The following ADAMTSL3 variants were observed in gnomAD, a reference collection of about 807,000 sequenced individuals.
ADAMTSL3 encodes ADAMTS like 3.
A neutral mutation model predicts 201.7 loss-of-function variants in ADAMTSL3; 128 were observed. That is an observed-to-expected ratio of 0.63 (90% CI 0.55 to 0.73). ADAMTSL3 has a LOEUF of 0.73. Ranked by LOEUF, ADAMTSL3 falls within the 30% of genes least tolerant of loss-of-function variation. The pLI, the probability that ADAMTSL3 is intolerant of heterozygous loss-of-function variation, is 0.00. For synonymous variants in ADAMTSL3, 738 were observed against 748.4 expected (o/e 0.99, Z 0.23); for missense variants, 1,990 against 2,119.6 (o/e 0.94, Z 1.20).
At chr15:83,703,678 T>C (rs1453118771) in intron 2 of ADAMTSL3, among the ~76,000 whole-genome samples, 1 of 152,104 alleles carries the variant, frequency 6.6e-6, no homozygotes, top group Non-Finnish European at 1.5e-5. Context: ...CGTGGAACTC[T>C]AAGTCCAATT....
intron 6 of ADAMTSL3, among the ~76,000 whole-genome samples, chr15:83,832,759 G>GT (rs1274138178): frequency 6.6e-6 from 1 of 152,126 alleles, no homozygotes; most frequent in Non-Finnish European, 1.5e-5. Context: ...TGTCTGTATA[G>GT]TTTTCTCATT....
At chr15:83,754,866 G>A (rs541043084) in intron 3 of ADAMTSL3, among the ~76,000 whole-genome samples, 4 of 152,202 alleles carry the variant, frequency 2.6e-5, no homozygotes, top group Admixed American at 6.5e-5. Context: ...CACAAAAGGT[G>A]AGGAGATTGG....
At chr15:83,903,057 G>C (rs1266968638) in intron 15 of ADAMTSL3, among the ~76,000 whole-genome samples, 1 of 151,694 alleles carries the variant, frequency 6.6e-6, no homozygotes, top group Non-Finnish European at 1.5e-5. Context: ...TCATAATTAT[G>C]TATCTCAAAA....
Position 83,943,010 on chromosome 15 carries a change from C to T in ADAMTSL3, c.2418C>T (p.Pro806=). Residue 806 remains proline, a synonymous_variant, in exon 19 of 30, where the codon CCC becomes CCT. Coordinates refer to ENST00000286744, the MANE Select transcript of ADAMTSL3 (RefSeq NM_207517.3). ...LNLSDELCQG[P]KASSHKSCAR... ...TCTCAGATGAATTGTGCCAAGGACC[C>T]AAGGCATCGTCTCACAAGTCCTGTG... 6.2e-7 allele frequency: 1 copy of T among 1,614,104 alleles called. No individual in the cohort carries two copies. The highest frequency in any genetic ancestry group is 1.7e-4 in the Middle Eastern group (1 of 6,060).
chr15:83,729,628 G>A (rs2062234329), intron 3 of ADAMTSL3, among the ~76,000 whole-genome samples: 1 of 151,660 alleles, frequency 6.6e-6, no homozygotes, highest in Non-Finnish European at 1.5e-5. Flanking sequence ...CTCTTTGTTA[G>A]TTTTATCTGA....
intron 4 of ADAMTSL3, among the ~76,000 whole-genome samples, chr15:83,789,733 C>T (rs1453520234): frequency 6.6e-6 from 1 of 152,084 alleles, no homozygotes; most frequent in African/African-American, 2.4e-5. Context: ...TACTCTTGCC[C>T]TTAGTTGTAC....
Position 83,655,829 on chromosome 15 carries a change from A to C in ADAMTSL3, c.68A>C (p.Gln23Pro), listed in dbSNP as rs757391316. The C allele has an allele frequency of 5.6e-6, 9 of 1,613,674 alleles. No homozygotes were observed. Among genetic ancestry groups the C allele is most frequent in the Non-Finnish European group, 7.6e-6 (9 of 1,179,872 alleles). ...GTCTTCATGCACTCTCCCCTCCCGC[A>C]GGTAAGGTCATATAGGGAGGGGAAG... is the stretch of plus-strand genomic sequence containing the variant. ...GMVFMHSPLP[Q>P]TTAEKSPGAY... Residue 23 changes from glutamine to proline, a missense_variant and splice_region_variant, in exon 2 of 30, where the codon CAG becomes CCG. Transcript: ENST00000286744.
At chr15:84,007,993 C>T (rs1419465604) in intron 23 of ADAMTSL3, among the ~76,000 whole-genome samples, 1 of 152,196 alleles carries the variant, frequency 6.6e-6, no homozygotes, top group Non-Finnish European at 1.5e-5. Flanking sequence ...CATTTCTCTT[C>T]ATTCTCTCTT....
At chr15:83,760,079 C>T (rs1406650630) in intron 3 of ADAMTSL3, among the ~76,000 whole-genome samples, 1 of 151,848 alleles carries the variant, frequency 6.6e-6, no homozygotes, top group Non-Finnish European at 1.5e-5. Context: ...CCTTATTATT[C>T]TACTTTCTTT....
chr15:83,900,203 A>G (rs1163084657), intron 15 of ADAMTSL3, among the ~76,000 whole-genome samples: 2 of 152,214 alleles, frequency 1.3e-5, no homozygotes, highest in African/African-American at 4.8e-5. Context: ...CCTGCTAACT[A>G]CATGACCTAA....
At chr15:83,873,412 G>T (rs993753183) in intron 9 of ADAMTSL3, among the ~76,000 whole-genome samples, 10 of 145,082 alleles carry the variant, frequency 6.9e-5, no homozygotes, top group East Asian at 2.3e-4. Context: ...TATACCATTG[G>T]TTTTTTTTGT....
intron 20 of ADAMTSL3, among the ~76,000 whole-genome samples, chr15:83,976,474 T>C (rs2142143943): frequency 6.6e-6 from 1 of 152,204 alleles, no homozygotes; most frequent in Admixed American, 6.5e-5. Flanking sequence ...GTACTTTCTT[T>C]ATATTATTAT....
chr15:83,819,699 C>G (rs2063827793), intron 5 of ADAMTSL3, 112 bp from the exon 6 acceptor site: 7 of 811,302 alleles, frequency 8.6e-6, no homozygotes, highest in Non-Finnish European at 1.4e-5. Context: ...AGGTGACTCC[C>G]AGAGAGAGGC....
chr15:83,901,900 G>A (rs1045194027), intron 15 of ADAMTSL3, among the ~76,000 whole-genome samples: 1 of 152,116 alleles, frequency 6.6e-6, no homozygotes, highest in African/African-American at 2.4e-5. Flanking sequence ...AGAATGATGG[G>A]TCCTACCAAG....
chr15:83,802,144 A>T (rs2401131), intron 4 of ADAMTSL3, among the ~76,000 whole-genome samples: 117,395 of 152,048 alleles, frequency 0.77, 46,158 homozygotes, highest in East Asian at 1. Flanking sequence ...TTTAATCATA[A>T]GCCAGCCATG....
chr15:83,744,029 T>G (rs948960210), intron 3 of ADAMTSL3, among the ~76,000 whole-genome samples: 2 of 152,066 alleles, frequency 1.3e-5, no homozygotes, highest in Admixed American at 6.6e-5. Flanking sequence ...TTTTTGTATT[T>G]TTAGTAGAGA....
intron 8 of ADAMTSL3, among the ~76,000 whole-genome samples, chr15:83,860,635 G>A (rs1038041079): frequency 1.3e-5 from 2 of 152,178 alleles, no homozygotes; most frequent in African/African-American, 4.8e-5. Context: ...TTTATAAATT[G>A]TAAAAACAGA....
At chr15:83,777,596 G>A (rs1488267969) in intron 4 of ADAMTSL3, among the ~76,000 whole-genome samples, 1 of 151,940 alleles carries the variant, frequency 6.6e-6, no homozygotes, top group Middle Eastern at 3.2e-3. Context: ...AAAAAAATAG[G>A]ATAAAAGAAA....
intron 7 of ADAMTSL3, among the ~76,000 whole-genome samples, chr15:83,855,026 T>TTG (rs142899712): frequency 6.6e-6 from 1 of 151,776 alleles, no homozygotes; most frequent in African/African-American, 2.4e-5. Flanking sequence ...TTAGTGGACT[T>TTG]TGTGTGTGTG....
Sources: allele counts gnomAD v4.1 joint callset (sites outside exome capture counted in the v4.1 genomes callset), GRCh38; gene constraint gnomAD v4.1.1; transcripts MANE v1.5; gene names NCBI Gene and HGNC (gene_info 2026-07-23, HGNC 2026-07-21).